The following CALN1 variants were observed in gnomAD, a reference collection of about 807,000 sequenced individuals.
The protein encoded by CALN1 is calcium-binding protein 8.
In CALN1, 17 loss-of-function variants were observed where a neutral mutation model predicts 30.6. The ratio of observed to expected loss-of-function variants is 0.56; its 90% confidence interval spans 0.38 to 0.83. CALN1 has a LOEUF of 0.83. Among genes scored for constraint, CALN1 ranks in the 40% least tolerant of loss-of-function variants. The pLI, the probability that CALN1 is intolerant of heterozygous loss-of-function variation, is 0.00. For synonymous variants in CALN1, 156 were observed against 131.4 expected (o/e 1.19, Z -1.28); for missense variants, 291 against 354.9 (o/e 0.82, Z 1.45).
intron 1 of CALN1, among the ~76,000 whole-genome samples, chr7:72,420,981 A>G (rs1458403599): frequency 6.6e-6 from 1 of 152,084 alleles, no homozygotes; most frequent in South Asian, 2.1e-4. Flanking sequence ...TTTTGGGTAA[A>G]TACCCAAATT....
chr7:71,995,035 G>T (rs1162069698), intron 5 of CALN1, among the ~76,000 whole-genome samples: 5 of 152,088 alleles, frequency 3.3e-5, no homozygotes, highest in African/African-American at 1.2e-4. Flanking sequence ...TATATTTTCA[G>T]TAGAGACGGG....
In CALN1 at chr7:71,958,114, AAAAG is replaced by A. The variant is rs145031785; in HGVS notation, c.501+65539_501+65542del. On this transcript the variant is annotated intron_variant, in intron 5 of 6. Coordinates refer to ENST00000395275, the MANE Select transcript of CALN1 (RefSeq NM_031468.4). ...AAAGAAAAAAAAAGAAAAAGAAAAA[AAAAG>A]AAAGTGCAGTAATTACCAATCTCTT... Among the ~76,000 whole-genome samples the A allele has an allele frequency of 3.7e-3, 558 of 151,952 alleles. 5 individuals are homozygous for A. The highest frequency in any genetic ancestry group is 0.013 in the African/African-American group (530 of 41,460).
At chr7:72,391,890 T>C (rs1324997534) in intron 2 of CALN1, among the ~76,000 whole-genome samples, 1 of 152,178 alleles carries the variant, frequency 6.6e-6, no homozygotes, top group Non-Finnish European at 1.5e-5. Flanking sequence ...AACAGACTAA[T>C]ACAGTCCCCA....
chr7:71,922,424 T>A (rs1794992677), intron 5 of CALN1, among the ~76,000 whole-genome samples: 1 of 148,724 alleles, frequency 6.7e-6, no homozygotes, highest in Non-Finnish European at 1.5e-5. Flanking sequence ...TCCCCTTCAT[T>A]TAAAGTGAGT....
At chr7:71,954,889 GAACA>G in intron 5 of CALN1, among the ~76,000 whole-genome samples, 1 of 152,236 alleles carries the variant, frequency 6.6e-6, no homozygotes, top group African/African-American at 2.4e-5. Context: ...CTCTACAGGG[GAACA>G]GACAGTTTCA....
intron 2 of CALN1, among the ~76,000 whole-genome samples, chr7:72,379,657 G>C (rs77732880): frequency 1.3e-4 from 20 of 152,352 alleles, no homozygotes; most frequent in East Asian, 3.9e-4. Context: ...ATGTCCAACA[G>C]AGACAGGACA....
At chr7:72,216,446 A>G (rs1014720166) in intron 3 of CALN1, among the ~76,000 whole-genome samples, 7 of 151,926 alleles carry the variant, frequency 4.6e-5, no homozygotes, top group African/African-American at 1.2e-4. Flanking sequence ...ATAAATACAT[A>G]TATCTTTCAT....
At chr7:72,299,898 T>C (rs1297322482) in intron 2 of CALN1, among the ~76,000 whole-genome samples, 1 of 151,996 alleles carries the variant, frequency 6.6e-6, no homozygotes, top group Non-Finnish European at 1.5e-5. Context: ...TTTGTTTTTT[T>C]GTTTGTTGTT....
intron 1 of CALN1, among the ~76,000 whole-genome samples, chr7:72,445,097 CA>C: frequency 7.3e-6 from 1 of 137,022 alleles, no homozygotes; most frequent in South Asian, 2.4e-4. Context: ...CACACACACA[CA>C]CACACACAAC....
intron 5 of CALN1, among the ~76,000 whole-genome samples, chr7:71,959,001 A>G (rs1290003399): frequency 1.3e-5 from 2 of 152,198 alleles, no homozygotes; most frequent in Non-Finnish European, 2.9e-5. Flanking sequence ...AGGCTTTCAC[A>G]TGCCTGTATT....
chr7:72,335,400 A>C (rs1323901287), intron 2 of CALN1, among the ~76,000 whole-genome samples: 1 of 152,202 alleles, frequency 6.6e-6, no homozygotes, highest in Admixed American at 6.5e-5. Flanking sequence ...ATGTGCACGA[A>C]TGTTGCGTGT....
the CALN1 span, among the ~76,000 whole-genome samples, chr7:72,501,103 C>T: frequency 6.6e-6 from 1 of 151,970 alleles, no homozygotes; most frequent in Non-Finnish European, 1.5e-5. Flanking sequence ...CCAAGAAGAG[C>T]TTTAGTGATA....
At chr7:72,342,083 C>T (rs1370794049) in intron 2 of CALN1, among the ~76,000 whole-genome samples, 1 of 151,830 alleles carries the variant, frequency 6.6e-6, no homozygotes, top group African/African-American at 2.4e-5. Context: ...TAGGGAGACC[C>T]CATCTCTACA....
rs147825845 is a variant in CALN1, at chr7:72,116,422, T to G, written c.245-10128A>C. 4.4e-3 allele frequency among the ~76,000 whole-genome samples: 675 copies of G among 152,072 alleles called. 3 individuals carry two copies. The highest frequency in any genetic ancestry group is 0.016 in the African/African-American group (655 of 41,474). On this transcript the variant is annotated intron_variant, in intron 3 of 6. Transcript: ENST00000395275. ...GCACAGGAGCTGGAGGAGAGAAAGA[T>G]GAAATAGAAATCTCTGAGGAAGTAT...
intron 2 of CALN1, among the ~76,000 whole-genome samples, chr7:72,382,749 C>CA (rs1482684379): frequency 6.6e-6 from 1 of 152,134 alleles, no homozygotes; most frequent in South Asian, 2.1e-4. Context: ...TTCAACCTAG[C>CA]ATGATAGTCT....
chr7:72,416,521 T>C (rs377190282), upstream of CALN1, among the ~76,000 whole-genome samples: 1 of 152,074 alleles, frequency 6.6e-6, no homozygotes, highest in African/African-American at 2.4e-5. Flanking sequence ...ATCCACCTAA[T>C]GTCAGGTGTT....
chr7:72,494,951 T>G, the CALN1 span, among the ~76,000 whole-genome samples: 15 of 149,608 alleles, frequency 1.0e-4, no homozygotes, highest in African/African-American at 3.2e-4. Flanking sequence ...TATGGCATGA[T>G]AGCTGGCTTC....
At chr7:72,201,625 T>A (rs11971947) in intron 3 of CALN1, among the ~76,000 whole-genome samples, 5,776 of 151,758 alleles carry the variant, frequency 0.038, 341 homozygotes, top group African/African-American at 0.13. Context: ...AGAAAAACTA[T>A]TTATTGGGTA....
chr7:71,907,818 C>A (rs1794222582), intron 5 of CALN1, among the ~76,000 whole-genome samples: 1 of 152,220 alleles, frequency 6.6e-6, no homozygotes, highest in African/African-American at 2.4e-5. Flanking sequence ...GCAGAGCACA[C>A]ACTTCTAGTT....
Sources: allele counts gnomAD v4.1 joint callset (sites outside exome capture counted in the v4.1 genomes callset), GRCh38; gene constraint gnomAD v4.1.1; transcripts MANE v1.5; gene names NCBI Gene and HGNC (gene_info 2026-07-23, HGNC 2026-07-21).